The following TOPAZ1 variants were observed in gnomAD, a reference collection of about 807,000 sequenced individuals.
TOPAZ1 encodes the protein testis and ovary specific TOPAZ 1, also known as protein TOPAZ1.
Under a neutral mutation model 172.2 loss-of-function variants are expected in TOPAZ1, and 66 were observed. The ratio of observed to expected loss-of-function variants is 0.38; its 90% CI spans 0.31 to 0.47. The LOEUF (loss-of-function observed/expected upper bound fraction) is 0.47, where lower values mean the gene tolerates loss of function less well. TOPAZ1 is among the 20% of genes least tolerant of loss of function. The pLI is 0.99. For missense variants in TOPAZ1, 1,822 were observed against 1,972.4 expected, an observed-to-expected ratio of 0.92 and a Z score of 1.44; for synonymous variants, 681 against 683.9, an observed-to-expected ratio of 1.00 and a Z score of 0.07.
At position 44,283,999 on chromosome 3, in the gene TOPAZ1, CTAGTT is replaced by C. The variant is rs1330335671; in HGVS notation, c.3436+1972_3436+1976del. 5.3e-5 allele frequency among the ~76,000 whole-genome samples: 8 copies of C among 152,224 alleles called. No individual in the cohort carries two copies. The East Asian group carries it at 1.2e-3, about 22-fold the overall frequency. ...ATGGCGTTTTATAGCATTTTTCCCT[CTAGTT>C]TAGGATCCAGTCCAGGATCAGGTGT... On this transcript the variant is annotated intron_variant, in intron 9 of 19. Coordinates refer to ENST00000309765, the MANE Select transcript of TOPAZ1 (RefSeq NM_001145030.2).
At chr3:44,291,110 CTCA>C (rs760611427) in intron 12 of TOPAZ1, among the ~76,000 whole-genome samples, 33 of 152,178 alleles carry the variant, frequency 2.2e-4, no homozygotes, top group South Asian at 6.2e-4. Flanking sequence ...CAATGTCCTG[CTCA>C]TCAAGTGTAA....
intron 12 of TOPAZ1, among the ~76,000 whole-genome samples, chr3:44,297,253 A>G (rs1700211004): frequency 6.6e-6 from 1 of 152,174 alleles, no homozygotes; most frequent in South Asian, 2.1e-4. Context: ...TCAATAAAAT[A>G]CTACCATATT....
At chr3:44,255,855 A>T (rs923873662) in intron 3 of TOPAZ1, among the ~76,000 whole-genome samples, 8 of 150,962 alleles carry the variant, frequency 5.3e-5, no homozygotes, top group African/African-American at 1.4e-4. Context: ...ATTTTATTTT[A>T]TAAGTATATT....
At chr3:44,317,667 T>C (rs1700465462) in intron 16 of TOPAZ1, among the ~76,000 whole-genome samples, 1 of 152,194 alleles carries the variant, frequency 6.6e-6, no homozygotes, top group Non-Finnish European at 1.5e-5. Flanking sequence ...GAAAATATGC[T>C]CTCCCTTTGA....
intron 8 of TOPAZ1, among the ~76,000 whole-genome samples, chr3:44,281,446 T>C (rs915055953): frequency 2.6e-5 from 4 of 152,234 alleles, no homozygotes; most frequent in Non-Finnish European, 5.9e-5. Flanking sequence ...TATTGACTTT[T>C]TGCATCCTGT....
At position 44,243,455 on chromosome 3, in the gene TOPAZ1, A is replaced by C. The variant is rs1292348151; in HGVS notation, c.949A>C (p.Asn317His). The C allele has an allele frequency of 1.9e-6, 3 of 1,551,640 alleles. No individual in the cohort carries two copies. The highest frequency in any genetic ancestry group is 3.9e-5 in the Admixed American group (2 of 50,982). Residue 317 changes from asparagine to histidine, a missense_variant, in exon 2 of 20, where the codon AAT (asparagine) becomes CAT (histidine). Transcript: ENST00000309765. ...GLLSCLQHEKNKYSIEESSVG... is the reference protein window; with the variant it reads ...GLLSCLQHEKHKYSIEESSVG... Reference sequence around the variant, plus strand: ...GCTTTCCTGCCTTCAACATGAAAAAAATAAATATTCAATAGAGGAGAGCAG... The same window carrying C: ...GCTTTCCTGCCTTCAACATGAAAAACATAAATATTCAATAGAGGAGAGCAG...
chr3:44,317,887 T>C (rs922175831), intron 16 of TOPAZ1, among the ~76,000 whole-genome samples: 1 of 152,246 alleles, frequency 6.6e-6, no homozygotes, highest in African/African-American at 2.4e-5. Flanking sequence ...CTAGCTAGAT[T>C]AAATTTAAAG....
intron 14 of TOPAZ1, among the ~76,000 whole-genome samples, chr3:44,305,650 A>C (rs761395950): frequency 6.6e-6 from 1 of 152,310 alleles, no homozygotes; most frequent in Non-Finnish European, 1.5e-5. Flanking sequence ...TATTACAGAC[A>C]TAAGTCACAG....
Position 44,328,394 on chromosome 3 carries a change from C to T in TOPAZ1, c.4820C>T (p.Pro1607Leu). 1 of 1,521,214 alleles carries T rather than the reference C, an allele frequency of 6.6e-7. No individual in the cohort carries two copies. Among genetic ancestry groups the T allele is most frequent in the Non-Finnish European group, 8.8e-7 (1 of 1,137,182 alleles). The allele number at this position is 1,521,214 out of a possible 1,614,324, so 94.2% of individuals were successfully genotyped here. Residue 1607 changes from proline to leucine, a missense_variant, in exon 19 of 20, where the codon CCT becomes CTT. Physicochemically the swap from Pro to Leu is moderately conservative, Grantham distance 98 (BLOSUM62 -3). Coordinates refer to ENST00000309765, the MANE Select transcript of TOPAZ1 (RefSeq NM_001145030.2). ...TCTAATGCTAGTAGTATTCAGAGTC[C>T]TGGAACTTCTACACAGATACTGCAG... ...MVSNASSIQS[P>L]GTSTQILQIV... is the part of the protein sequence containing the mutation.
intron 8 of TOPAZ1, among the ~76,000 whole-genome samples, chr3:44,277,192 G>A (rs1176226427): frequency 6.6e-6 from 1 of 151,972 alleles, no homozygotes; most frequent in Non-Finnish European, 1.5e-5. Context: ...AGTGCCTTGT[G>A]GTTTCCTTGT....
At chr3:44,321,416 G>A (rs1027151571) in intron 17 of TOPAZ1, among the ~76,000 whole-genome samples, 5 of 152,286 alleles carry the variant, frequency 3.3e-5, no homozygotes, top group Middle Eastern at 6.8e-3. Flanking sequence ...CAGTTCCTAA[G>A]ACAAGCATTT....
rs1423094643 is a variant in TOPAZ1, at chr3:44,273,307, T to A, written c.3372+2497T>A. ...GGGACACACTGAAGCCTTTCTGTGA[T>A]AAGGCTTAAAAGGTTAGTTACATGG... On this transcript the variant is annotated intron_variant, in intron 8 of 19. Transcript: ENST00000309765. Among the ~76,000 whole-genome samples, 4 of 152,198 alleles carry A rather than the reference T, an allele frequency of 2.6e-5. No homozygotes were observed. The East Asian group carries it at 7.7e-4, about 29-fold the overall frequency.
intron 12 of TOPAZ1, among the ~76,000 whole-genome samples, chr3:44,302,807 T>C (rs1700290875): frequency 6.6e-6 from 1 of 152,002 alleles, no homozygotes; most frequent in Middle Eastern, 3.2e-3. Context: ...TATTATTATG[T>C]GGTTTTTTTG....
chr3:44,297,978 TTAAA>T (rs1031279107), intron 12 of TOPAZ1, among the ~76,000 whole-genome samples: 6 of 152,300 alleles, frequency 3.9e-5, no homozygotes, highest in East Asian at 1.9e-4. Context: ...AATTGAAAGA[TTAAA>T]TAAATAGAGA....
chr3:44,293,642 GTGT>G (rs1700163900), intron 12 of TOPAZ1, among the ~76,000 whole-genome samples: 2 of 152,188 alleles, frequency 1.3e-5, no homozygotes, highest in Admixed American at 6.5e-5. Context: ...TTTAAGCTGG[GTGT>G]TGTTACAAAA....
Position 44,324,293 on chromosome 3 carries a change from G to C in TOPAZ1, c.4675+998G>C, listed in dbSNP as rs186440664. Among the ~76,000 whole-genome samples, 19 of 152,202 alleles carry C rather than the reference G, an allele frequency of 1.2e-4. 1 individual carries two copies. Among genetic ancestry groups the C allele is most frequent in the Admixed American group, 9.2e-4 (14 of 15,290 alleles). On this transcript the variant is annotated intron_variant, in intron 18 of 19. Transcript: ENST00000309765. ...TTGAAAGCTGAGTTTTCTTAAAAAG[G>C]GTGATCAGAAATTTAGAGGAAAGAT...
chr3:44,295,855 C>T (rs1263342305), intron 12 of TOPAZ1, among the ~76,000 whole-genome samples: 1 of 152,086 alleles, frequency 6.6e-6, no homozygotes, highest in South Asian at 2.1e-4. Flanking sequence ...GAACTAAACA[C>T]CTCCATCAAT....
chr3:44,292,197 T>A (rs1442105060), intron 12 of TOPAZ1, among the ~76,000 whole-genome samples: 2 of 152,244 alleles, frequency 1.3e-5, no homozygotes, highest in Non-Finnish European at 2.9e-5. Flanking sequence ...TATGATTTTT[T>A]AATTTAATTA....
At position 44,284,081 on chromosome 3, in the gene TOPAZ1, C is replaced by T. The variant is rs77353481; in HGVS notation, c.3436+2050C>T. Among the ~76,000 whole-genome samples, 12 of 151,814 alleles carry T rather than the reference C, an allele frequency of 7.9e-5. No homozygotes were observed. In the East Asian group the frequency reaches 1.6e-3, roughly 20 times the overall value. On this transcript the variant is annotated intron_variant, in intron 9 of 19. Transcript: ENST00000309765. ...CTCCTTTAATCTAGAACATTTCCAC[C>T]GTCTGTCTTGGACATTTTGGGAGTA...
Sources: gnomAD v4.1 joint callset for allele counts (sites outside exome capture counted in the v4.1 genomes callset) on GRCh38, gnomAD v4.1.1 for gene constraint, MANE v1.5 for transcripts, NCBI Gene and HGNC (gene_info 2026-07-23, HGNC 2026-07-21) for gene names.